MICALL2: variants seen among roughly 807,000 people sequenced by gnomAD.
MICALL2 encodes MICAL-like protein 2.
MICALL2 carries 111 observed loss-of-function variants against 91.1 expected under a neutral mutation model. That is an observed-to-expected ratio of 1.22 (90% CI 1.04 to 1.43). The LOEUF is 1.43. Ranked by LOEUF, MICALL2 falls within the 40% of genes most tolerant of loss-of-function variation. The probability of loss-of-function intolerance (pLI) is 0.00; values close to 1 mark genes in which losing one functional copy is unlikely to be tolerated. For missense variants in MICALL2, 1,556 were observed against 1,236.0 expected (o/e 1.26, Z -3.88); for synonymous variants, 694 against 525.3 (o/e 1.32, Z -4.39).
At chr7:1,438,397 G>A (rs551609276) in intron 10 of MICALL2, 44 bp from the exon 11 acceptor site, 5 of 1,568,808 alleles carry the variant, frequency 3.2e-6, no homozygotes, top group Non-Finnish European at 3.5e-6. Context: ...GGGCCACCAG[G>A]CCCAACGTGA....
Position 1,436,878 on chromosome 7 carries a change from A to C in MICALL2, c.2477-22T>G, listed in dbSNP as rs113676473. ...GCCTCTGTGGGGATGGCTCGTCAGCAGGAGCCCCCCCCACCACTGCCATGC... is the reference window on the plus strand; with the variant it reads ...GCCTCTGTGGGGATGGCTCGTCAGCCGGAGCCCCCCCCACCACTGCCATGC... On this transcript the variant is annotated intron_variant, in intron 14 of 16. Coordinates refer to ENST00000297508, the MANE Select transcript of MICALL2 (RefSeq NM_182924.4). 1.0e-5 allele frequency: 16 copies of C among 1,524,904 alleles called. No individual in the cohort carries two copies. In the African/African-American group the frequency reaches 1.8e-4, roughly 17 times the overall value. 94.5% of individuals were successfully genotyped at this position (1,524,904 alleles called of 1,614,324 possible).
At chr7:1,435,206 G>T in intron 15 of MICALL2, 59 bp from the exon 16 acceptor site, 3 of 1,579,776 alleles carry the variant, frequency 1.9e-6, no homozygotes, top group Non-Finnish European at 2.6e-6. Flanking sequence ...CCCTGGAGGG[G>T]CCTCCGGACA....
chr7:1,435,063 C>A, intron 16 of MICALL2, 38 bp downstream of exon 16: 1 of 1,609,314 alleles, frequency 6.2e-7, no homozygotes, highest in South Asian at 1.1e-5. Flanking sequence ...GCCCACCCAG[C>A]CAGCCAGCCC....
intron 16 of MICALL2, 188 bp downstream of exon 16, chr7:1,434,913 G>A (rs1036259249): frequency 3.1e-5 from 23 of 737,024 alleles, no homozygotes; most frequent in African/African-American, 2.5e-4. Context: ...TCTTAGGGGC[G>A]GGAGGGAGCT....
chr7:1,457,873 C>G (rs575929290), intron 1 of MICALL2, among the ~76,000 whole-genome samples: 70 of 152,404 alleles, frequency 4.6e-4, no homozygotes, highest in African/African-American at 1.4e-3. Context: ...GGGGTGGGGT[C>G]TCGCCTGCCT....
rs757800588 is a variant in MICALL2 at position 1,438,206 on chromosome 7, G to A, written c.2202C>T (p.Tyr734=). The change falls in exon 12 of 17, where the codon TAC becomes TAT. Residue 734 remains tyrosine (Y), a synonymous_variant. Coordinates refer to ENST00000297508, the MANE Select transcript of MICALL2 (RefSeq NM_182924.4). ...GCCTCTGTATCTCCTCCGGGGAGAG[G>A]TAGTCGGGGTGCAGCTGGGAACGGA... The part of the protein sequence containing the change: ...VTSPVRLHPD[Y]LSPEEIQRQL... 2.3e-5 allele frequency: 36 copies of A among 1,584,442 alleles called. No homozygotes were observed. The highest frequency in any genetic ancestry group is 1.4e-4 in the Admixed American group (8 of 56,014).
intron 1 of MICALL2, among the ~76,000 whole-genome samples, chr7:1,450,797 C>T (rs964347707): frequency 1.3e-5 from 2 of 150,510 alleles, no homozygotes; most frequent in African/African-American, 4.9e-5. Context: ...GCAGGACAGG[C>T]CCCGGATCCA....
intron 15 of MICALL2, among the ~76,000 whole-genome samples, chr7:1,435,481 G>A (rs1337776560): frequency 6.6e-6 from 1 of 152,008 alleles, no homozygotes; most frequent in Non-Finnish European, 1.5e-5. Context: ...GACCACACCG[G>A]TGACCTGGGA....
At chr7:1,444,213 G>A (rs1453167096) in intron 6 of MICALL2, among the ~76,000 whole-genome samples, 1 of 101,254 alleles carries the variant, frequency 9.9e-6, no homozygotes, top group Non-Finnish European at 1.8e-5. Context: ...TCCCGCTCGC[G>A]ACCTGTCCCC....
chr7:1,442,979 G>C (rs748094600), intron 6 of MICALL2, among the ~76,000 whole-genome samples: 1 of 152,062 alleles, frequency 6.6e-6, no homozygotes, highest in African/African-American at 2.4e-5. Flanking sequence ...CAAGGCCTCC[G>C]TGCCTTCCTG....
chr7:1,439,538 CA>C (rs1780167550), intron 9 of MICALL2: 1 of 208,058 alleles, frequency 4.8e-6, no homozygotes, highest in Non-Finnish European at 9.5e-6. Flanking sequence ...GACACATGGA[CA>C]CGCATCACAC....
chr7:1,443,651 A>G (rs1220127980), intron 6 of MICALL2, among the ~76,000 whole-genome samples: 3 of 152,292 alleles, frequency 2.0e-5, no homozygotes, highest in African/African-American at 2.4e-5. Flanking sequence ...AGACAGAGAG[A>G]AGGCCACATG....
Position 1,451,662 on chromosome 7 carries a change from G to A in MICALL2, c.144-1374C>T, listed in dbSNP as rs983701518. On this transcript the variant is annotated intron_variant, in intron 1 of 16. Transcript: ENST00000297508. This position sits in a 1 kb window ranked among gnomAD's most constrained non-coding sequence, Gnocchi z 4.5. ...TGCAAGCCGTGTCCTGCCTCACCCC[G>A]GCCTGCATGTCTGACCCCGGCCAGC... Among the ~76,000 whole-genome samples the A allele has an allele frequency of 3.3e-5, 5 of 151,988 alleles. No homozygotes were observed. The highest frequency in any genetic ancestry group is 7.4e-5 in the Non-Finnish European group (5 of 67,966).
intron 4 of MICALL2, 26 bp from the exon 5 acceptor site, chr7:1,446,854 G>C (rs1339787787): frequency 1.3e-6 from 2 of 1,492,654 alleles, no homozygotes; most frequent in Non-Finnish European, 9.1e-7. Context: ...GCACCTCTCT[G>C]AGCAGCCGTC....
chr7:1,457,066 C>G (rs1168897496), intron 1 of MICALL2, among the ~76,000 whole-genome samples: 1 of 152,176 alleles, frequency 6.6e-6, no homozygotes, highest in Non-Finnish European at 1.5e-5. Flanking sequence ...GAGGGTCCTT[C>G]CTGCCTCTTC....
chr7:1,438,078 G>C lies in MICALL2; in HGVS notation c.2311+19C>G. The C allele has an allele frequency of 6.4e-7, 1 of 1,571,038 alleles. No homozygotes were observed. ...TCTGTGGGAGTCGGGCTGGCCCAGG[G>C]CCAGGCCGAGGCGCTCACCTCCCTC... On this transcript the variant is annotated intron_variant, in intron 12 of 16. Coordinates refer to ENST00000297508, the MANE Select transcript of MICALL2 (RefSeq NM_182924.4).
chr7:1,438,884 C>G lies in MICALL2; in HGVS notation c.2078G>C (p.Ser693Thr), dbSNP rs1419633281. The G allele has an allele frequency of 1.2e-6, 2 of 1,611,026 alleles. No homozygotes were observed. Among genetic ancestry groups the G allele is most frequent in the East Asian group, 2.2e-5 (1 of 44,872 alleles). ...AGGTTTCTTCTCCTCCTCCTTCCAG[C>G]TCTGCACTCGGGCTTCCTGGCCAGG... The part of the protein sequence containing the change: ...EPPGQEARVQ[S>T]WKEEEKKPHL... The change falls in exon 10 of 17, where the codon AGC (serine) becomes ACC (threonine). Residue 693 changes from serine to threonine, a missense_variant. Coordinates refer to ENST00000297508, the MANE Select transcript of MICALL2 (RefSeq NM_182924.4).
In MICALL2 at chr7:1,456,585, CAAATAAATAAAT is replaced by C. The variant is rs370994107; in HGVS notation, c.143+2587_143+2598del. Among the ~76,000 whole-genome samples the C allele has an allele frequency of 1.1e-4, 17 of 151,244 alleles. No homozygotes were observed. The South Asian group carries it at 3.4e-3, about 30-fold the overall frequency. Reference sequence around the variant, plus strand: ...TGGGCGACAGAGCTAGACTCTGTCTCAAATAAATAAATAAATAAATAAATAGATAAAATTAAA... The same window carrying C: ...TGGGCGACAGAGCTAGACTCTGTCTCAAATAAATAAATAGATAAAATTAAA... On this transcript the variant is annotated intron_variant, in intron 1 of 16. Coordinates refer to ENST00000297508, the MANE Select transcript of MICALL2 (RefSeq NM_182924.4).
At chr7:1,439,738 CACATGCAT>C (rs1562451018) in intron 9 of MICALL2, 179 bp downstream of exon 9, 6 of 459,506 alleles carry the variant, frequency 1.3e-5, no homozygotes, top group Non-Finnish European at 1.5e-5. Flanking sequence ...AACACATGCA[CACATGCAT>C]CACACACATG....
Sources: gnomAD v4.1 joint callset for allele counts (sites outside exome capture counted in the v4.1 genomes callset) on GRCh38, gnomAD v4.1.1 for gene constraint, Gnocchi (gnomAD v3.1) non-coding constraint, MANE v1.5 for transcripts, NCBI Gene and HGNC (gene_info 2026-07-23, HGNC 2026-07-21) for gene names.